YWHAB: variants seen among roughly 807,000 people sequenced by gnomAD.
The protein encoded by YWHAB is 14-3-3 protein beta/alpha.
In YWHAB, 2 loss-of-function variants were observed where a neutral mutation model predicts 28.5. The ratio of observed to expected loss-of-function variants is 0.07; its 90% CI spans 0.03 to 0.22. The LOEUF is 0.22. Ranked by LOEUF, YWHAB falls within the 10% of genes least tolerant of loss-of-function variation. The probability of loss-of-function intolerance (pLI) is 1.00; values close to 1 mark genes in which losing one functional copy is unlikely to be tolerated. For synonymous variants in YWHAB, 103 were observed against 104.7 expected (o/e 0.98, Z 0.10); for missense variants, 148 against 297.1 (o/e 0.50, Z 3.69).
chr20:44,908,295 TTTG>T lies in YWHAB; in HGVS notation c.*1860_*1862del, dbSNP rs1286628203. On this transcript the variant is annotated 3_prime_UTR_variant, in exon 6 of 6. Coordinates refer to ENST00000353703, the MANE Select transcript of YWHAB (RefSeq NM_139323.4). ...GTATATCTGGTAGCTCTTTTCTTGC[TTTG>T]TTTTTTCTTACCAGTATTCTGCCTA... 1 of 152,664 alleles carries T rather than the reference TTTG, an allele frequency of 6.6e-6. No individual in the cohort carries two copies. The allele number at this position is 152,664 out of a possible 1,614,324, so 9.5% of individuals were successfully genotyped here.
intron 1 of YWHAB, among the ~76,000 whole-genome samples, chr20:44,896,133 C>T (rs543933080): frequency 6.6e-6 from 1 of 152,308 alleles, no homozygotes; most frequent in South Asian, 2.1e-4. Flanking sequence ...GCAATGCCGT[C>T]CCATAGGAAT....
chr20:44,901,698 C>T lies in YWHAB; in HGVS notation c.165C>T (p.Gly55=), dbSNP rs745735230. The T allele has an allele frequency of 3.6e-5, 58 of 1,612,832 alleles. No homozygotes were observed. The highest frequency in any genetic ancestry group is 2.2e-4 in the Admixed American group (13 of 59,924). The change falls in exon 2 of 6, where the codon GGC becomes GGT. Residue 55 remains glycine, a synonymous_variant. Transcript: ENST00000353703. ...LLSVAYKNVV[G]ARRSSWRVIS... ...CTGTTGCCTACAAGAATGTGGTAGG[C>T]GCCCGCCGCTCTTCCTGGCGTGTCA... is the stretch of plus-strand genomic sequence containing the variant.
intron 1 of YWHAB, among the ~76,000 whole-genome samples, chr20:44,893,341 C>T (rs1214254351): frequency 1.3e-5 from 2 of 152,092 alleles, no homozygotes; most frequent in Non-Finnish European, 2.9e-5. Flanking sequence ...TTTTTCATAG[C>T]TGTTTATCTG....
chr20:44,903,216 T>TA (rs2066637428), intron 2 of YWHAB: 1 of 390,548 alleles, frequency 2.6e-6, no homozygotes, highest in African/African-American at 2.2e-5. Flanking sequence ...GCGCTTTATG[T>TA]ATGTCAACTT....
At chr20:44,890,413 G>T (rs548190299) in intron 1 of YWHAB, among the ~76,000 whole-genome samples, 1 of 149,842 alleles carries the variant, frequency 6.7e-6, no homozygotes, top group African/African-American at 2.4e-5. Flanking sequence ...CACTTTTTAA[G>T]AATGCATCAG....
intron 1 of YWHAB, among the ~76,000 whole-genome samples, chr20:44,900,735 CCAGA>C (rs1156577298): frequency 6.6e-6 from 1 of 152,146 alleles, no homozygotes; most frequent in Admixed American, 6.5e-5. Flanking sequence ...TTAAAACAAA[CCAGA>C]CAATTACTGA....
rs528305265 is a variant in YWHAB, at chr20:44,898,859, G to A, written c.-3-2672G>A. Among the ~76,000 whole-genome samples, 201 of 150,994 alleles carry A rather than the reference G, an allele frequency of 1.3e-3. 3 individuals carry two copies. In the South Asian group the frequency reaches 0.014, roughly 11 times the overall value. ...AGGCCAAGTGCGGTGGCTCACACCT[G>A]TAATTCCAGCACTTTGGGAGGCCGA... On this transcript the variant is annotated intron_variant, in intron 1 of 5. Transcript: ENST00000353703.
chr20:44,903,799 A>AT, intron 2 of YWHAB, 194 bp from the exon 3 acceptor site: 1 of 551,264 alleles, frequency 1.8e-6, no homozygotes, highest in Non-Finnish European at 3.1e-6. Flanking sequence ...GGTCAAAGTG[A>AT]TTTTTAACAG....
At chr20:44,889,556 A>G (rs2066548688) in intron 1 of YWHAB, among the ~76,000 whole-genome samples, 1 of 152,054 alleles carries the variant, frequency 6.6e-6, no homozygotes, top group Admixed American at 6.6e-5. Flanking sequence ...AAAAGAACCA[A>G]CAGGAGGTTA....
At chr20:44,894,968 T>TA (rs777671748) in intron 1 of YWHAB, among the ~76,000 whole-genome samples, 1 of 152,260 alleles carries the variant, frequency 6.6e-6, no homozygotes, top group Non-Finnish European at 1.5e-5. Flanking sequence ...TTAGCACAGT[T>TA]ATAAGCATTA....
chr20:44,889,927 G>T (rs1336600459), intron 1 of YWHAB, among the ~76,000 whole-genome samples: 1 of 152,098 alleles, frequency 6.6e-6, no homozygotes, highest in Non-Finnish European at 1.5e-5. Context: ...AATTAATGTT[G>T]GTTTAGATCC....
chr20:44,904,171 A>C, intron 3 of YWHAB, 55 bp downstream of exon 3: 1 of 1,600,614 alleles, frequency 6.2e-7, no homozygotes, highest in South Asian at 1.1e-5. Context: ...GTCTTCTTTC[A>C]CAGGGACTTT....
intron 5 of YWHAB, 42 bp downstream of exon 5, chr20:44,906,138 C>A: frequency 6.9e-7 from 1 of 1,456,492 alleles, no homozygotes; most frequent in Non-Finnish European, 9.6e-7. Flanking sequence ...CTTTCCTATT[C>A]ACCTACTTAA....
intron 1 of YWHAB, among the ~76,000 whole-genome samples, chr20:44,897,294 G>A (rs1033806897): frequency 1.3e-5 from 2 of 152,202 alleles, no homozygotes; most frequent in Non-Finnish European, 2.9e-5. Flanking sequence ...ACATGGGATG[G>A]CTTAGCTCTG....
At chr20:44,893,042 C>T (rs947107946) in intron 1 of YWHAB, among the ~76,000 whole-genome samples, 56 of 152,062 alleles carry the variant, frequency 3.7e-4, no homozygotes, top group Admixed American at 1.2e-3. Context: ...ATTTTCAACC[C>T]TTTCTGTCTT....
At chr20:44,901,854 T>C in intron 2 of YWHAB, 21 bp downstream of exon 2, 1 of 1,569,854 alleles carries the variant, frequency 6.4e-7, no homozygotes, top group Non-Finnish European at 8.7e-7. Flanking sequence ...AGTGCTTCTG[T>C]TTTGAACAGT....
At chr20:44,906,230 C>T in intron 5 of YWHAB, 134 bp downstream of exon 5, 1 of 1,121,788 alleles carries the variant, frequency 8.9e-7, no homozygotes, top group Non-Finnish European at 1.3e-6. Flanking sequence ...TTATAAATGA[C>T]TGCTGAAGTT....
intron 4 of YWHAB, chr20:44,905,336 G>GT (rs945291030): frequency 6.4e-6 from 3 of 465,156 alleles, no homozygotes; most frequent in Non-Finnish European, 1.1e-5. Context: ...TTTGATTACT[G>GT]TTTTTTGCGG....
rs564408795 is a variant in YWHAB at position 44,906,761 on chromosome 20, A to C, written c.*323A>C. On this transcript the variant is annotated 3_prime_UTR_variant, in exon 6 of 6. Transcript: ENST00000353703. ...TTAGCAGAACTCTTACTGGTAGAAA[A>C]AATAGACCTGAATTATGTGTAACTT... 455 of 186,662 alleles carry C rather than the reference A, an allele frequency of 2.4e-3. 4 individuals carry two copies. The highest frequency in any genetic ancestry group is 9.4e-3 in the African/African-American group (405 of 42,940). The allele number at this position is 186,662 out of a possible 1,614,324, so 11.6% of individuals were successfully genotyped here. A position where few individuals can be genotyped will look rare whatever the true frequency, so the allele number is the denominator to read the frequency against.
Sources: gnomAD v4.1 joint callset for allele counts (sites outside exome capture counted in the v4.1 genomes callset) on GRCh38, gnomAD v4.1.1 for gene constraint, MANE v1.5 for transcripts, NCBI Gene and HGNC (gene_info 2026-07-23, HGNC 2026-07-21) for gene names.